HPSE2: variants seen among roughly 807,000 people sequenced by gnomAD.
HPSE2 encodes inactive heparanase-2.
In HPSE2, 38 loss-of-function variants were observed where a neutral mutation model predicts 60.5. That is an observed-to-expected ratio of 0.63 (90% CI 0.48 to 0.82). The LOEUF (loss-of-function observed/expected upper bound fraction) is 0.82. HPSE2 is among the 40% of genes least tolerant of loss of function. HPSE2 has a pLI of 0.00. For synonymous variants in HPSE2, 295 were observed against 293.2 expected (o/e 1.01, Z -0.06); for missense variants, 713 against 740.4 (o/e 0.96, Z 0.43).
intron 4 of HPSE2, among the ~76,000 whole-genome samples, chr10:98,733,388 C>T (rs901573643): frequency 1.6e-4 from 24 of 152,170 alleles, no homozygotes; most frequent in African/African-American, 5.8e-4. Context: ...TCTCAAAGTG[C>T]TGGGATTACA....
intron 4 of HPSE2, among the ~76,000 whole-genome samples, chr10:98,722,126 C>A (rs1415726229): frequency 6.7e-6 from 1 of 149,766 alleles, no homozygotes; most frequent in Non-Finnish European, 1.5e-5. Flanking sequence ...GAACAGTGTC[C>A]CCCAAAATTT....
At chr10:99,188,017 T>C (rs1478235654) in intron 2 of HPSE2, among the ~76,000 whole-genome samples, 2 of 152,184 alleles carry the variant, frequency 1.3e-5, no homozygotes, top group African/African-American at 4.8e-5. Flanking sequence ...AAGCAAATTG[T>C]ATAGTAAGCA....
the HPSE2 span, among the ~76,000 whole-genome samples, chr10:99,298,671 T>TTTTTTTTTC: frequency 1.6e-3 from 6 of 3,844 alleles, no homozygotes; most frequent in African/African-American, 0.022. Flanking sequence ...TGTATAGGCT[T>TTTTTTTTTC]TTTTTTTTTC....
At chr10:98,816,920 G>A (rs1352444432) in intron 3 of HPSE2, among the ~76,000 whole-genome samples, 1 of 151,902 alleles carries the variant, frequency 6.6e-6, no homozygotes, top group African/African-American at 2.4e-5. Context: ...GTCAGAAGCA[G>A]GACCTGAAGT....
At chr10:98,908,676 T>A (rs1191887015) in intron 3 of HPSE2, among the ~76,000 whole-genome samples, 2 of 80,780 alleles carry the variant, frequency 2.5e-5, no homozygotes, top group Admixed American at 4.3e-4. Flanking sequence ...AGAGCGTAGC[T>A]CCATCTCAAA....
At chr10:98,725,473 T>G (rs1949048686) in intron 4 of HPSE2, among the ~76,000 whole-genome samples, 1 of 152,116 alleles carries the variant, frequency 6.6e-6, no homozygotes, top group South Asian at 2.1e-4. Context: ...CCTTACACCT[T>G]ATACAAAAAT....
At chr10:99,242,623 G>T in the HPSE2 span, among the ~76,000 whole-genome samples, 1 of 152,132 alleles carries the variant, frequency 6.6e-6, no homozygotes, top group Admixed American at 6.6e-5. Context: ...TGCCAATTTT[G>T]CCATTTATAC....
At chr10:99,132,217 G>GAA (rs1564833107) in intron 3 of HPSE2, among the ~76,000 whole-genome samples, 1 of 21,410 alleles carries the variant, frequency 4.7e-5, no homozygotes, top group African/African-American at 7.3e-5. Flanking sequence ...GAGAGAGAGA[G>GAA]AGAGAGAGAG....
At chr10:99,012,703 C>A (rs2135404387) in intron 3 of HPSE2, among the ~76,000 whole-genome samples, 1 of 152,224 alleles carries the variant, frequency 6.6e-6, no homozygotes, top group South Asian at 2.1e-4. Context: ...ATACTGGAAA[C>A]TGAATATCTG....
intron 3 of HPSE2, among the ~76,000 whole-genome samples, chr10:99,123,605 T>C (rs999618614): frequency 2.0e-5 from 3 of 152,144 alleles, no homozygotes; most frequent in Non-Finnish European, 4.4e-5. Context: ...CACCATTGAG[T>C]TCTTGTCCTG....
intron 9 of HPSE2, among the ~76,000 whole-genome samples, chr10:98,583,011 T>C (rs576673761): frequency 6.6e-6 from 1 of 152,262 alleles, no homozygotes; most frequent in East Asian, 1.9e-4. Context: ...ATTTTTGTCA[T>C]ACCCAACCAA....
the HPSE2 span, among the ~76,000 whole-genome samples, chr10:99,305,225 T>C: frequency 6.6e-6 from 1 of 151,872 alleles, no homozygotes; most frequent in Non-Finnish European, 1.5e-5. Context: ...TCCCAATAAA[T>C]CTGTGATATT....
At chr10:99,304,363 T>C in the HPSE2 span, among the ~76,000 whole-genome samples, 3 of 152,224 alleles carry the variant, frequency 2.0e-5, no homozygotes, top group South Asian at 6.2e-4. Context: ...GGTATAAATA[T>C]GACTGCAAAG....
chr10:98,755,257 A>G (rs148560923), intron 3 of HPSE2, among the ~76,000 whole-genome samples: 4 of 152,348 alleles, frequency 2.6e-5, no homozygotes, highest in African/African-American at 4.8e-5. Context: ...TAAACCAACA[A>G]TGATCAGAAA....
chr10:99,186,131 C>CACACACACACACATACAT, intron 2 of HPSE2, among the ~76,000 whole-genome samples: 1 of 149,410 alleles, frequency 6.7e-6, no homozygotes, highest in South Asian at 2.1e-4. Context: ...CACACACACA[C>CACACACACACACATACAT]ACACACACAC....
chr10:98,584,197 G>A (rs939776448), intron 9 of HPSE2, among the ~76,000 whole-genome samples: 6 of 152,088 alleles, frequency 3.9e-5, no homozygotes, highest in African/African-American at 1.2e-4. Context: ...AGAGTGTGAA[G>A]GGAGTAAACA....
At chr10:98,655,971 C>T (rs1025098078) in intron 6 of HPSE2, among the ~76,000 whole-genome samples, 9 of 152,126 alleles carry the variant, frequency 5.9e-5, no homozygotes, top group Middle Eastern at 3.2e-3. Flanking sequence ...GTCAGTGAAA[C>T]TGCATTGTGT....
At chr10:99,022,048 C>A (rs1430211302) in intron 3 of HPSE2, among the ~76,000 whole-genome samples, 1 of 112,688 alleles carries the variant, frequency 8.9e-6, no homozygotes, top group Non-Finnish European at 1.7e-5. Context: ...CCCCTCCCCC[C>A]ACCCCACAAC....
intron 7 of HPSE2, among the ~76,000 whole-genome samples, chr10:98,623,452 A>G (rs1413183131): frequency 6.6e-6 from 1 of 152,168 alleles, no homozygotes; most frequent in Non-Finnish European, 1.5e-5. Flanking sequence ...TATATTAAAA[A>G]CCACTGAATT....
Sources: allele counts gnomAD v4.1 joint callset (sites outside exome capture counted in the v4.1 genomes callset), GRCh38; gene constraint gnomAD v4.1.1; transcripts MANE v1.5; gene names NCBI Gene and HGNC (gene_info 2026-07-23, HGNC 2026-07-21).